MARCHF1: variants seen among roughly 807,000 people sequenced by gnomAD.
MARCHF1 encodes membrane associated ring-CH-type finger 1.
Under a neutral mutation model 54.2 loss-of-function variants are expected in MARCHF1, and 40 were observed. That is an observed-to-expected ratio of 0.74 (90% confidence interval 0.57 to 0.96). The LOEUF is 0.96. Ranked by LOEUF, MARCHF1 falls within the 40% of genes least tolerant of loss-of-function variation. The pLI is 0.00. For missense variants in MARCHF1, 586 were observed against 656.5 expected (o/e 0.89, Z 1.17); for synonymous variants, 236 against 236.3 (o/e 1.00, Z 0.01).
chr4:164,270,052 G>C (rs986554443), intron 1 of MARCHF1, among the ~76,000 whole-genome samples: 5 of 152,064 alleles, frequency 3.3e-5, no homozygotes, highest in Admixed American at 6.6e-5. Flanking sequence ...AGTATTTATA[G>C]TAAAAGTGAA....
chr4:164,280,131 T>C (rs1398339774), intron 1 of MARCHF1, among the ~76,000 whole-genome samples: 2 of 151,970 alleles, frequency 1.3e-5, no homozygotes, highest in Non-Finnish European at 2.9e-5. Flanking sequence ...TTATATTAAG[T>C]GAGATATTTT....
At chr4:164,272,564 A>C (rs1733769173) in intron 1 of MARCHF1, among the ~76,000 whole-genome samples, 1 of 152,044 alleles carries the variant, frequency 6.6e-6, no homozygotes, top group Admixed American at 6.6e-5. Context: ...AAAACTTCCA[A>C]AATAAAGAAA....
At chr4:164,280,011 C>T (rs1733987275) in intron 1 of MARCHF1, among the ~76,000 whole-genome samples, 1 of 151,664 alleles carries the variant, frequency 6.6e-6, no homozygotes, top group Non-Finnish European at 1.5e-5. Context: ...TTTATCACAT[C>T]AAAAACTTAA....
chr4:164,305,453 T>C (rs747957726), intron 1 of MARCHF1, among the ~76,000 whole-genome samples: 5 of 152,066 alleles, frequency 3.3e-5, no homozygotes, highest in Non-Finnish European at 7.4e-5. Context: ...ATCAGCAAAG[T>C]GCTATTTTAG....
chr4:163,890,956 T>C (rs1352286685), intron 3 of MARCHF1, among the ~76,000 whole-genome samples: 1 of 151,938 alleles, frequency 6.6e-6, no homozygotes, highest in East Asian at 1.9e-4. Context: ...ATTCAGAAAA[T>C]TGTGCCAGGA....
intron 2 of MARCHF1, among the ~76,000 whole-genome samples, chr4:164,075,225 G>A (rs530966335): frequency 2.0e-5 from 3 of 152,296 alleles, no homozygotes; most frequent in African/African-American, 7.2e-5. Context: ...AAATTATTGA[G>A]CTTCATTTAA....
intron 1 of MARCHF1, among the ~76,000 whole-genome samples, chr4:164,226,140 T>C (rs1732246868): frequency 6.6e-6 from 1 of 151,888 alleles, no homozygotes; most frequent in African/African-American, 2.4e-5. Flanking sequence ...CACCAAAAAG[T>C]TGATGAAAAT....
chr4:164,084,703 T>G (rs184660868), intron 2 of MARCHF1, among the ~76,000 whole-genome samples: 112 of 140,930 alleles, frequency 7.9e-4, no homozygotes, highest in African/African-American at 2.6e-3. Flanking sequence ...AAAATTCAAC[T>G]AAGAAACACT....
At chr4:164,155,281 A>G (rs927335437) in intron 1 of MARCHF1, among the ~76,000 whole-genome samples, 1 of 152,122 alleles carries the variant, frequency 6.6e-6, no homozygotes, top group Non-Finnish European at 1.5e-5. Context: ...TCTCCTGTCC[A>G]TATCAATTGG....
chr4:163,842,267 T>C (rs1749362090), intron 4 of MARCHF1, among the ~76,000 whole-genome samples: 1 of 152,170 alleles, frequency 6.6e-6, no homozygotes, highest in East Asian at 1.9e-4. Context: ...TTGGGCGAGA[T>C]GTTTAACCAA....
At chr4:163,956,520 A>G (rs1032332309) in intron 3 of MARCHF1, among the ~76,000 whole-genome samples, 1 of 152,108 alleles carries the variant, frequency 6.6e-6, no homozygotes, top group African/African-American at 2.4e-5. Context: ...TTTTCATGCC[A>G]CTTAACTGTT....
chr4:163,856,616 T>C (rs1228430394), intron 3 of MARCHF1, among the ~76,000 whole-genome samples: 1 of 152,194 alleles, frequency 6.6e-6, no homozygotes, highest in African/African-American at 2.4e-5. Flanking sequence ...ATCCAAGAGA[T>C]AAAGTTTGTT....
At chr4:163,677,215 C>G (rs1743947927) in intron 5 of MARCHF1, among the ~76,000 whole-genome samples, 1 of 152,122 alleles carries the variant, frequency 6.6e-6, no homozygotes. Flanking sequence ...GAAACTAGAG[C>G]AAAATTTTAA....
At chr4:164,199,661 CACACACACACACACACACACAGAGAGAG>C (rs1375267036) in intron 1 of MARCHF1, among the ~76,000 whole-genome samples, 10 of 77,752 alleles carry the variant, frequency 1.3e-4, no homozygotes, top group East Asian at 2.4e-4. Context: ...CACACACACA[CACACACACACACACACACACAGAGAGAG>C]AGAGAGAGAG....
chr4:164,236,340 G>T (rs1347807376), intron 1 of MARCHF1, among the ~76,000 whole-genome samples: 1 of 151,964 alleles, frequency 6.6e-6, no homozygotes, highest in African/African-American at 2.4e-5. Flanking sequence ...AAAATATGCT[G>T]CTGACTGATT....
chr4:164,117,983 A>AT (rs1023471489), intron 1 of MARCHF1, among the ~76,000 whole-genome samples: 37 of 152,196 alleles, frequency 2.4e-4, no homozygotes, highest in African/African-American at 8.2e-4. Context: ...CAGTGAAGTG[A>AT]TTTTTATTAA....
intron 5 of MARCHF1, among the ~76,000 whole-genome samples, chr4:163,684,532 G>C (rs1269133079): frequency 2.0e-5 from 3 of 152,168 alleles, no homozygotes; most frequent in Non-Finnish European, 4.4e-5. Context: ...TCCTTCATAA[G>C]ATTCATCTCT....
At chr4:163,891,347 G>A (rs1750656194) in intron 3 of MARCHF1, among the ~76,000 whole-genome samples, 1 of 151,794 alleles carries the variant, frequency 6.6e-6, no homozygotes, top group Non-Finnish European at 1.5e-5. Flanking sequence ...AGAATAAAAG[G>A]TGTTAACTAA....
At chr4:163,682,377 T>C (rs1489312837) in intron 5 of MARCHF1, among the ~76,000 whole-genome samples, 1 of 152,198 alleles carries the variant, frequency 6.6e-6, no homozygotes, top group Non-Finnish European at 1.5e-5. Flanking sequence ...GGGCCGAATG[T>C]TAATCACCAA....
Sources: gnomAD v4.1 joint callset for allele counts (sites outside exome capture counted in the v4.1 genomes callset) on GRCh38, gnomAD v4.1.1 for gene constraint, MANE v1.5 for transcripts, NCBI Gene and HGNC (gene_info 2026-07-23, HGNC 2026-07-21) for gene names.